Variants in TRA2A observed in about 807,000 individuals in gnomAD.
The protein encoded by TRA2A is transformer-2 protein homolog alpha.
A neutral mutation model predicts 45.7 loss-of-function variants in TRA2A; 31 were observed. The ratio of observed to expected loss-of-function variants is 0.68; its 90% CI spans 0.51 to 0.92. The LOEUF (loss-of-function observed/expected upper bound fraction) is 0.92. TRA2A is among the 40% of genes least tolerant of loss of function. The pLI is 0.00. For synonymous variants in TRA2A, 132 were observed against 126.2 expected (o/e 1.05, Z -0.31); for missense variants, 304 against 367.5 (o/e 0.83, Z 1.41).
chr7:23,517,127 T>C (rs889892943), intron 2 of TRA2A, among the ~76,000 whole-genome samples: 4 of 151,328 alleles, frequency 2.6e-5, no homozygotes, highest in African/African-American at 9.7e-5. Flanking sequence ...AATCCTTTGA[T>C]TCTTAGCTAA....
intron 1 of TRA2A, among the ~76,000 whole-genome samples, chr7:23,524,943 G>A (rs1342792803): frequency 1.3e-5 from 2 of 151,954 alleles, no homozygotes; most frequent in East Asian, 1.9e-4. Flanking sequence ...GCCCGCCTTG[G>A]CCTCCCAAAG....
At chr7:23,511,369 T>C (rs1420686516) in intron 4 of TRA2A, among the ~76,000 whole-genome samples, 1 of 37,842 alleles carries the variant, frequency 2.6e-5, no homozygotes, top group African/African-American at 9.8e-5. Flanking sequence ...AGACTCCATC[T>C]CAAAAAAAAA....
At chr7:23,520,598 G>C (rs1017120533) in intron 2 of TRA2A, among the ~76,000 whole-genome samples, 6 of 151,518 alleles carry the variant, frequency 4.0e-5, no homozygotes, top group African/African-American at 1.5e-4. Flanking sequence ...ATGCCCCTTT[G>C]CAAGTAGACT....
intron 7 of TRA2A, 45 bp from the exon 8 acceptor site, chr7:23,505,614 C>G: frequency 3.1e-6 from 1 of 321,982 alleles, no homozygotes; most frequent in Admixed American, 7.0e-5. Flanking sequence ...AAAAAGTTAA[C>G]AATTATAGTT....
chr7:23,511,830 T>G (rs760674346), intron 4 of TRA2A, among the ~76,000 whole-genome samples: 1 of 152,214 alleles, frequency 6.6e-6, no homozygotes, highest in Non-Finnish European at 1.5e-5. Context: ...AAGTTAAGAA[T>G]AGCACTAAAA....
At chr7:23,517,501 A>AAAAGAGAGAAAG (rs1562794420) in intron 2 of TRA2A, among the ~76,000 whole-genome samples, 2 of 144,632 alleles carry the variant, frequency 1.4e-5, no homozygotes, top group African/African-American at 5.0e-5. Flanking sequence ...AAAAAAAAAA[A>AAAAGAGAGAAAG]AAAGAGAGAA....
intron 1 of TRA2A, chr7:23,531,364 GA>G (rs1429172479): frequency 6.3e-6 from 3 of 474,810 alleles, no homozygotes; most frequent in Non-Finnish European, 8.4e-6. Context: ...TCGATCCCGA[GA>G]CCCTCTACGA....
chr7:23,519,159 C>T (rs748720270), intron 2 of TRA2A, among the ~76,000 whole-genome samples: 5 of 151,956 alleles, frequency 3.3e-5, no homozygotes, highest in Non-Finnish European at 7.4e-5. Flanking sequence ...TTTGGGAGGC[C>T]GAGGCAGGCA....
intron 1 of TRA2A, among the ~76,000 whole-genome samples, chr7:23,529,911 CTTAACA>C: frequency 6.9e-6 from 1 of 144,338 alleles, no homozygotes; most frequent in South Asian, 2.2e-4. Flanking sequence ...AGGTGGGAAT[CTTAACA>C]TGTTACTTTC....
At chr7:23,522,415 T>C in intron 1 of TRA2A, 1 of 1,271,670 alleles carries the variant, frequency 7.9e-7, no homozygotes, top group Non-Finnish European at 1.0e-6. Context: ...ACTCTTCAAT[T>C]TCTTCACGAA....
intron 7 of TRA2A, 26 bp from the exon 8 acceptor site, chr7:23,505,595 A>AAAAAAAAAAAAAAT: frequency 1.7e-6 from 1 of 596,012 alleles, no homozygotes; most frequent in Non-Finnish European, 3.0e-6. Flanking sequence ...CAAAAAAAAA[A>AAAAAAAAAAAAAAT]AAAAAAAAAA....
intron 2 of TRA2A, among the ~76,000 whole-genome samples, chr7:23,518,012 C>T (rs1789964540): frequency 6.6e-6 from 1 of 151,988 alleles, no homozygotes; most frequent in South Asian, 2.1e-4. Flanking sequence ...GATCTCAGCT[C>T]ACTGCAACCT....
intron 1 of TRA2A, among the ~76,000 whole-genome samples, chr7:23,525,361 T>G (rs986717101): frequency 2.0e-5 from 3 of 152,242 alleles, no homozygotes; most frequent in African/African-American, 7.2e-5. Flanking sequence ...TTCACTAGAC[T>G]ACTTGTTCTT....
intron 1 of TRA2A, among the ~76,000 whole-genome samples, chr7:23,528,449 G>C (rs976049831): frequency 2.0e-5 from 3 of 151,972 alleles, no homozygotes; most frequent in Non-Finnish European, 2.9e-5. Context: ...CTTGTGATCC[G>C]CCCGCCTCAG....
intron 4 of TRA2A, 54 bp downstream of exon 4, chr7:23,512,840 C>T: frequency 8.0e-7 from 1 of 1,249,444 alleles, no homozygotes; most frequent in Non-Finnish European, 1.1e-6. Context: ...GTCTATTAAT[C>T]AACTTTTCAC....
At chr7:23,528,863 C>G (rs1309742179) in intron 1 of TRA2A, among the ~76,000 whole-genome samples, 2 of 152,000 alleles carry the variant, frequency 1.3e-5, no homozygotes, top group Admixed American at 1.3e-4. Context: ...ACTCCAGCTA[C>G]TCAAGAAGCC....
At chr7:23,515,452 C>T (rs1322221819) in intron 3 of TRA2A, among the ~76,000 whole-genome samples, 2 of 151,914 alleles carry the variant, frequency 1.3e-5, no homozygotes, top group East Asian at 1.9e-4. Flanking sequence ...CTCCTGACCT[C>T]GTGATCCGCC....
At chr7:23,524,965 C>A (rs1790281842) in intron 1 of TRA2A, among the ~76,000 whole-genome samples, 1 of 152,178 alleles carries the variant, frequency 6.6e-6, no homozygotes, top group Non-Finnish European at 1.5e-5. Context: ...GCTGGGATTA[C>A]AGGTGTGAGC....
Position 23,531,834 on chromosome 7 carries a change from G to A in TRA2A, c.-10C>T, listed in dbSNP as rs1192379730. 2 of 1,613,596 alleles carry A rather than the reference G, an allele frequency of 1.2e-6. No individual in the cohort carries two copies. The highest frequency in any genetic ancestry group is 2.2e-5 in the East Asian group (1 of 44,900). The stretch of plus-strand genomic sequence containing the variant: ...CCTCCACATCACTCATGTCGACGAG[G>A]CGCTCCCCAGAACTAAATAAGAGAC... On this transcript the variant is annotated 5_prime_UTR_variant, in exon 1 of 8. Coordinates refer to ENST00000297071, the MANE Select transcript of TRA2A (RefSeq NM_013293.5).
Sources: gnomAD v4.1 joint callset for allele counts (sites outside exome capture counted in the v4.1 genomes callset) on GRCh38, gnomAD v4.1.1 for gene constraint, MANE v1.5 for transcripts, NCBI Gene and HGNC (gene_info 2026-07-23, HGNC 2026-07-21) for gene names.